The following KLRG1 variants were observed in gnomAD, a reference collection of about 807,000 sequenced individuals.
KLRG1 encodes the protein killer cell lectin-like receptor subfamily G member 1.
In KLRG1, 16 loss-of-function variants were observed where a neutral mutation model predicts 21.8. The observed-to-expected ratio is 0.73, with a 90% CI of 0.50 to 1.11. The LOEUF is 1.11. Among genes scored for constraint, KLRG1 ranks in the 50% most tolerant of loss-of-function variants. The pLI is 0.00. For synonymous variants in KLRG1, 69 were observed against 75.9 expected, an observed-to-expected ratio of 0.91 and a Z score of 0.47; for missense variants, 173 against 218.3, an observed-to-expected ratio of 0.79 and a Z score of 1.31.
chr12:9,073,335 A>C, the KLRG1 span, among the ~76,000 whole-genome samples: 2 of 152,218 alleles, frequency 1.3e-5, no homozygotes, highest in Admixed American at 6.5e-5. Context: ...CCATGAGCAG[A>C]GTCATGCTTC....
the KLRG1 span, chr12:9,074,458 A>G: frequency 6.1e-6 from 7 of 1,140,718 alleles, no homozygotes; most frequent in Admixed American, 1.8e-4. Flanking sequence ...ATTTCAAGTT[A>G]CTGTCATCTG....
the KLRG1 span, chr12:9,192,619 G>A: frequency 1.2e-6 from 2 of 1,614,062 alleles, no homozygotes; most frequent in Non-Finnish European, 1.7e-6. Context: ...CCAGCCACAG[G>A]CTCCAGGTGA....
chr12:9,060,682 A>G, the KLRG1 span, among the ~76,000 whole-genome samples: 1 of 152,176 alleles, frequency 6.6e-6, no homozygotes, highest in Non-Finnish European at 1.5e-5. Flanking sequence ...GTCTGAGCAC[A>G]TCCCCAAAAA....
At chr12:9,090,346 T>G in the KLRG1 span, 909 of 1,613,984 alleles carry the variant, frequency 5.6e-4, 6 homozygotes, top group African/African-American at 0.01. Flanking sequence ...TCTAGCAGTT[T>G]TTTGCTCACC....
At chr12:9,195,492 G>T in the KLRG1 span, among the ~76,000 whole-genome samples, 5 of 151,422 alleles carry the variant, frequency 3.3e-5, no homozygotes, top group Non-Finnish European at 7.4e-5. Flanking sequence ...TGCCCAGGCT[G>T]GAGTGCAGTG....
the KLRG1 span, among the ~76,000 whole-genome samples, chr12:9,088,858 C>T: frequency 1.6e-4 from 25 of 152,110 alleles, no homozygotes; most frequent in Non-Finnish European, 5.9e-5. Context: ...TAAATTCAGC[C>T]GTCCATAGTT....
At chr12:9,038,809 A>G in the KLRG1 span, among the ~76,000 whole-genome samples, 35,636 of 151,686 alleles carry the variant, frequency 0.23, 4,841 homozygotes, top group East Asian at 0.32. Context: ...TGAGACAGGA[A>G]AATCGCTTGA....
chr12:9,093,517 T>C, the KLRG1 span: 1 of 1,613,708 alleles, frequency 6.2e-7, no homozygotes, highest in African/African-American at 1.3e-5. Flanking sequence ...TTTCGTACGG[T>C]CTCCGTGTGA....
chr12:8,974,249 G>A (rs1439169935), intron 1 of KLRG1, among the ~76,000 whole-genome samples: 1 of 151,412 alleles, frequency 6.6e-6, no homozygotes, highest in Non-Finnish European at 1.5e-5. Flanking sequence ...CTCACTGCAA[G>A]CTCCGCCTCC....
the KLRG1 span, among the ~76,000 whole-genome samples, chr12:9,207,869 T>C: frequency 6.6e-6 from 1 of 152,204 alleles, no homozygotes; most frequent in Non-Finnish European, 1.5e-5. Flanking sequence ...TGATACATGA[T>C]TGAAAAATAA....
the KLRG1 span, chr12:9,098,509 T>A: frequency 7.5e-7 from 1 of 1,342,044 alleles, no homozygotes; most frequent in Non-Finnish European, 9.9e-7. Context: ...TAGATAAATA[T>A]AATTTTAATT....
intron 1 of KLRG1, among the ~76,000 whole-genome samples, chr12:8,954,142 T>C (rs1946249862): frequency 6.6e-6 from 1 of 152,074 alleles, no homozygotes. Context: ...TCAGCATGAA[T>C]GGACCTGGAG....
chr12:9,202,890 C>T, the KLRG1 span, among the ~76,000 whole-genome samples: 1 of 152,106 alleles, frequency 6.6e-6, no homozygotes, highest in Non-Finnish European at 1.5e-5. Context: ...ACCCAGATCT[C>T]CATGGAGTTC....
the KLRG1 span, among the ~76,000 whole-genome samples, chr12:9,117,142 A>G: frequency 6.6e-6 from 1 of 152,198 alleles, no homozygotes; most frequent in Non-Finnish European, 1.5e-5. Context: ...AGGGAGAAGA[A>G]TCACGGCACA....
the KLRG1 span, among the ~76,000 whole-genome samples, chr12:9,165,833 T>A: frequency 6.6e-6 from 1 of 152,208 alleles, no homozygotes; most frequent in Non-Finnish European, 1.5e-5. Flanking sequence ...ATGTCTACTA[T>A]TTGACAGTAT....
chr12:9,181,246 G>T, the KLRG1 span: 18 of 1,334,108 alleles, frequency 1.3e-5, no homozygotes, highest in Non-Finnish European at 1.8e-5. Flanking sequence ...TGTTGGTAAT[G>T]TCAGTCAGAA....
the KLRG1 span, among the ~76,000 whole-genome samples, chr12:9,070,930 C>T: frequency 6.6e-6 from 1 of 151,924 alleles, no homozygotes; most frequent in African/African-American, 2.4e-5. Context: ...AAGTGATTCT[C>T]CTGCCTCAGC....
the KLRG1 span, chr12:9,095,637 T>C: frequency 1 from 1,612,336 of 1,612,834 alleles, 805,921 homozygotes; most frequent in Middle Eastern, 1. Flanking sequence ...CAGTCTTCAT[T>C]GTCCTGGTCA....
the KLRG1 span, among the ~76,000 whole-genome samples, chr12:9,154,382 T>C: frequency 2.0e-5 from 3 of 152,148 alleles, no homozygotes; most frequent in Non-Finnish European, 4.4e-5. Flanking sequence ...CTTTAGAGGG[T>C]AAAGATGCTC....
Sources: gnomAD v4.1 joint callset for allele counts (sites outside exome capture counted in the v4.1 genomes callset) on GRCh38, gnomAD v4.1.1 for gene constraint, MANE v1.5 for transcripts, NCBI Gene and HGNC (gene_info 2026-07-23, HGNC 2026-07-21) for gene names.